WDR7: variants seen among roughly 807,000 people sequenced by gnomAD.
The protein encoded by WDR7 is WD repeat-containing protein 7.
In WDR7, 46 loss-of-function variants were observed where a neutral mutation model predicts 169.4. The ratio of observed to expected loss-of-function variants is 0.27; its 90% confidence interval spans 0.21 to 0.35. WDR7 has a LOEUF of 0.35. WDR7 is among the 10% of genes least tolerant of loss of function. The probability of loss-of-function intolerance (pLI) is 1.00; values close to 1 mark genes in which losing one functional copy is unlikely to be tolerated. For synonymous variants in WDR7, 612 were observed against 666.8 expected (o/e 0.92, Z 1.27); for missense variants, 1,534 against 1,859.3 (o/e 0.83, Z 3.22).
intron 12 of WDR7, among the ~76,000 whole-genome samples, chr18:56,715,498 G>T (rs767780226): frequency 2.0e-5 from 3 of 152,130 alleles, no homozygotes; most frequent in Non-Finnish European, 2.9e-5. Context: ...TCTTTATAAA[G>T]AAGATTTTGG....
chr18:56,844,013 C>T (rs1222388197), intron 20 of WDR7, among the ~76,000 whole-genome samples: 1 of 152,012 alleles, frequency 6.6e-6, no homozygotes, highest in Non-Finnish European at 1.5e-5. Flanking sequence ...TAGGCATACA[C>T]CACCACGCCT....
intron 20 of WDR7, among the ~76,000 whole-genome samples, chr18:56,874,986 G>C (rs2046003933): frequency 1.3e-5 from 2 of 151,966 alleles, no homozygotes; most frequent in African/African-American, 4.8e-5. Context: ...TAAATTATTA[G>C]ATTCTTTATA....
rs559335309 is a variant in WDR7 at position 56,923,870 on chromosome 18, A to G, written c.3527-52A>G. ...TTGAAAGTATGCTTCAAAAGAAACA[A>G]TTACAAAAGTAAAATTCCCCTTTTG... On this transcript the variant is annotated intron_variant, in intron 21 of 27. Coordinates refer to ENST00000254442, the MANE Select transcript of WDR7 (RefSeq NM_015285.3). The G allele has an allele frequency of 7.6e-6, 11 of 1,442,876 alleles. No individual in the cohort carries two copies. The South Asian group carries it at 1.4e-4, about 18-fold the overall frequency. The allele number at this position is 1,442,876 out of a possible 1,614,324, so 89.4% of individuals were successfully genotyped here.
At chr18:56,739,544 T>C (rs905475323) in intron 14 of WDR7, among the ~76,000 whole-genome samples, 1 of 152,170 alleles carries the variant, frequency 6.6e-6, no homozygotes, top group African/African-American at 2.4e-5. Flanking sequence ...TTTTTGTACT[T>C]TACATTTTTA....
In WDR7 at chr18:57,028,870, T is replaced by G. The variant is rs2048406490; in HGVS notation, c.*1663T>G. 6.6e-6 allele frequency: 1 copy of G among 152,646 alleles called. No individual in the cohort carries two copies. The highest frequency in any genetic ancestry group is 2.4e-5 in the African/African-American group (1 of 41,460). The allele number at this position is 152,646 out of a possible 1,614,324, so 9.5% of individuals were successfully genotyped here. On this transcript the variant is annotated 3_prime_UTR_variant, in exon 28 of 28. Transcript: ENST00000254442. ...TGAATTTAGGCACATGCATGTACAT[T>G]GTATTTATAAAGATTATATATGTAG...
At chr18:56,757,985 A>T (rs543075428) in intron 15 of WDR7, among the ~76,000 whole-genome samples, 2 of 151,430 alleles carry the variant, frequency 1.3e-5, no homozygotes, top group Non-Finnish European at 2.9e-5. Context: ...AAAAAAATGT[A>T]TATTTCATTA....
intron 21 of WDR7, among the ~76,000 whole-genome samples, chr18:56,915,512 T>A (rs144171232): frequency 3.2e-4 from 48 of 152,352 alleles, no homozygotes; most frequent in African/African-American, 1.1e-3. Flanking sequence ...TATGACCTTT[T>A]TCCCCTTCTT....
intron 14 of WDR7, among the ~76,000 whole-genome samples, chr18:56,752,479 A>C (rs1252816461): frequency 2.0e-5 from 3 of 152,112 alleles, no homozygotes; most frequent in African/African-American, 4.8e-5. Context: ...CATTATAATA[A>C]CTTATGTACG....
At chr18:56,654,632 T>C (rs1347501693) in intron 1 of WDR7, among the ~76,000 whole-genome samples, 1 of 152,150 alleles carries the variant, frequency 6.6e-6, no homozygotes, top group East Asian at 1.9e-4. Flanking sequence ...CTGTAATCTT[T>C]CTCATGATGT....
At chr18:56,661,486 CTGTCTCTCATGCACTCAGG>C (rs2024903057) in intron 1 of WDR7, among the ~76,000 whole-genome samples, 1 of 152,172 alleles carries the variant, frequency 6.6e-6, no homozygotes, top group Admixed American at 6.5e-5. Context: ...TCTTCAAAAT[CTGTCTCTCATGCACTCAGG>C]GCTGTTTAGC....
At chr18:56,981,352 G>T (rs1386454584) in intron 26 of WDR7, among the ~76,000 whole-genome samples, 1 of 152,140 alleles carries the variant, frequency 6.6e-6, no homozygotes, top group Non-Finnish European at 1.5e-5. Context: ...CAAGTATTCA[G>T]CTATATACAT....
chr18:56,770,668 C>T (rs569051946), intron 16 of WDR7, among the ~76,000 whole-genome samples: 2 of 152,250 alleles, frequency 1.3e-5, no homozygotes, highest in East Asian at 3.9e-4. Context: ...CATGTGTTGT[C>T]TTGTGTACCT....
chr18:56,925,193 G>T (rs1291479864), intron 22 of WDR7, among the ~76,000 whole-genome samples: 1 of 152,070 alleles, frequency 6.6e-6, no homozygotes, highest in East Asian at 1.9e-4. Flanking sequence ...TGGACATTTG[G>T]GTTGTTTCTG....
rs2025231944 is a variant in WDR7, at chr18:56,675,797, G to A, written c.159+3123G>A. Among the ~76,000 whole-genome samples the A allele has an allele frequency of 2.0e-5, 3 of 151,868 alleles. No individual in the cohort carries two copies. The South Asian group carries it at 6.2e-4, about 32-fold the overall frequency. ...TTTTCGTTCCTAATCTTTAGCAGAG[G>A]GAAAGCATCTAGTCTTTCACTTTTA... On this transcript the variant is annotated intron_variant, in intron 2 of 27. Transcript: ENST00000254442.
intron 20 of WDR7, among the ~76,000 whole-genome samples, chr18:56,831,089 C>A (rs894703040): frequency 1.4e-4 from 22 of 152,128 alleles, no homozygotes; most frequent in Non-Finnish European, 2.8e-4. Flanking sequence ...GGGAGAGTCC[C>A]TGTAGGAGTT....
intron 25 of WDR7, among the ~76,000 whole-genome samples, chr18:56,949,896 A>T (rs2047157526): frequency 6.6e-6 from 1 of 152,220 alleles, no homozygotes; most frequent in Non-Finnish European, 1.5e-5. Context: ...CTCCTCAAAA[A>T]AGTTAGTTTT....
intron 26 of WDR7, among the ~76,000 whole-genome samples, chr18:56,991,434 CAT>C (rs2047817963): frequency 3.9e-5 from 6 of 152,168 alleles, no homozygotes; most frequent in Non-Finnish European, 8.8e-5. Context: ...CATGAGCCAC[CAT>C]GCCCGGCCTC....
intron 19 of WDR7, among the ~76,000 whole-genome samples, chr18:56,813,037 G>A (rs1425127956): frequency 1.5e-5 from 2 of 136,632 alleles, no homozygotes; most frequent in Non-Finnish European, 3.2e-5. Context: ...TGGTGGGGTC[G>A]GGGGAGGGGG....
chr18:56,800,312 T>C (rs1442553407), intron 19 of WDR7, among the ~76,000 whole-genome samples: 2 of 152,180 alleles, frequency 1.3e-5, no homozygotes, highest in East Asian at 3.9e-4. Context: ...TGTGCTTCTA[T>C]AGATGCATTA....
Sources: allele counts gnomAD v4.1 joint callset (sites outside exome capture counted in the v4.1 genomes callset), GRCh38; gene constraint gnomAD v4.1.1; transcripts MANE v1.5; gene names NCBI Gene and HGNC (gene_info 2026-07-23, HGNC 2026-07-21).